WWOX: variants seen among roughly 807,000 people sequenced by gnomAD.
WWOX encodes WW domain containing oxidoreductase.
A neutral mutation model predicts 46.2 loss-of-function variants in WWOX; 69 were observed. That is an observed-to-expected ratio of 1.49 (90% CI 1.23 to 1.82). The LOEUF (loss-of-function observed/expected upper bound fraction) is 1.82, where lower values mean the gene tolerates loss of function less well. WWOX is among the 40% of genes most tolerant of loss of function. The pLI, the probability that WWOX is intolerant of heterozygous loss-of-function variation, is 0.00. For synonymous variants in WWOX, 359 were observed against 202.6 expected, an observed-to-expected ratio of 1.77 and a Z score of -6.56; for missense variants, 919 against 542.6, an observed-to-expected ratio of 1.69 and a Z score of -6.89.
intron 8 of WWOX, among the ~76,000 whole-genome samples, chr16:78,458,492 C>T (rs1374786267): frequency 6.6e-6 from 1 of 152,030 alleles, no homozygotes; most frequent in Non-Finnish European, 1.5e-5. Flanking sequence ...AACTCCTGTG[C>T]TCAAGCCATC....
At chr16:79,145,011 G>A (rs1412191527) in intron 8 of WWOX, among the ~76,000 whole-genome samples, 1 of 152,146 alleles carries the variant, frequency 6.6e-6, no homozygotes. Flanking sequence ...TATATCCCCT[G>A]TGCAGAAGCG....
At chr16:78,638,503 C>T (rs1471382095) in intron 8 of WWOX, among the ~76,000 whole-genome samples, 1 of 152,112 alleles carries the variant, frequency 6.6e-6, no homozygotes, top group Non-Finnish European at 1.5e-5. Flanking sequence ...CTGATAAGAT[C>T]TGTCTGCACT....
At chr16:78,326,290 T>C (rs1406407230) in intron 5 of WWOX, among the ~76,000 whole-genome samples, 1 of 152,194 alleles carries the variant, frequency 6.6e-6, no homozygotes, top group Non-Finnish European at 1.5e-5. Flanking sequence ...AGTGTGCATA[T>C]GCTCAGTTGC....
chr16:78,670,092 C>T (rs779336925), intron 8 of WWOX, among the ~76,000 whole-genome samples: 11 of 152,068 alleles, frequency 7.2e-5, no homozygotes, highest in Admixed American at 2.0e-4. Flanking sequence ...CGGCCGCCCC[C>T]GGAAGCTCCA....
intron 8 of WWOX, among the ~76,000 whole-genome samples, chr16:78,754,062 A>C (rs1320198136): frequency 1.3e-5 from 2 of 151,722 alleles, no homozygotes; most frequent in Non-Finnish European, 2.9e-5. Context: ...AATTTTCTTT[A>C]GGCTTATCCC....
At chr16:78,119,673 A>G (rs1386537775) in intron 4 of WWOX, among the ~76,000 whole-genome samples, 1 of 150,684 alleles carries the variant, frequency 6.6e-6, no homozygotes, top group East Asian at 2.0e-4. Flanking sequence ...TGTGTTGCTC[A>G]GGTGTTGGTC....
intron 5 of WWOX, among the ~76,000 whole-genome samples, chr16:78,319,380 C>T (rs1363568587): frequency 1.3e-5 from 2 of 152,138 alleles, no homozygotes; most frequent in African/African-American, 4.8e-5. Flanking sequence ...CCCACCTCAA[C>T]CTCCTAAGTA....
At chr16:78,117,862 C>T (rs1039127259) in intron 4 of WWOX, among the ~76,000 whole-genome samples, 1 of 151,928 alleles carries the variant, frequency 6.6e-6, no homozygotes, top group Non-Finnish European at 1.5e-5. Flanking sequence ...TTGGATAAAC[C>T]GTGAAATCTT....
At chr16:78,623,084 T>C (rs1040143205) in intron 8 of WWOX, among the ~76,000 whole-genome samples, 1 of 151,834 alleles carries the variant, frequency 6.6e-6, no homozygotes, top group Admixed American at 6.6e-5. Flanking sequence ...CCATCCCCAG[T>C]CAAGCCTCTG....
chr16:78,102,528 C>T (rs544001451), intron 1 of WWOX, among the ~76,000 whole-genome samples: 7 of 152,306 alleles, frequency 4.6e-5, no homozygotes, highest in South Asian at 2.1e-4. Context: ...TTTGCAGGGA[C>T]GGAGGCAAGC....
At position 78,593,500 on chromosome 16, in the gene WWOX, A is replaced by C. The variant is rs75011700; in HGVS notation, c.1056+160748A>C. On this transcript the variant is annotated intron_variant, in intron 8 of 8. Coordinates refer to ENST00000566780, the MANE Select transcript of WWOX (RefSeq NM_016373.4). ...ATTCCTACCAGCCAGAGGTGGGCACATGACCCAGGTCAGACCAGTCACAGT... is the reference window on the plus strand; with the variant it reads ...ATTCCTACCAGCCAGAGGTGGGCACCTGACCCAGGTCAGACCAGTCACAGT... Among the ~76,000 whole-genome samples, 326 of 152,320 alleles carry C rather than the reference A, an allele frequency of 2.1e-3. 1 individual carries two copies. Among genetic ancestry groups the C allele is most frequent in the African/African-American group, 7.5e-3 (313 of 41,568 alleles).
At chr16:78,894,862 C>G (rs116185481) in intron 8 of WWOX, among the ~76,000 whole-genome samples, 3 of 152,188 alleles carry the variant, frequency 2.0e-5, no homozygotes, top group Non-Finnish European at 2.9e-5. Context: ...CAGTGACTAA[C>G]TGAGCACTGT....
chr16:78,855,045 A>G (rs909849899), intron 8 of WWOX, among the ~76,000 whole-genome samples: 3 of 152,122 alleles, frequency 2.0e-5, no homozygotes, highest in African/African-American at 7.2e-5. Flanking sequence ...AGTCAGGACT[A>G]TGATTGACAG....
At chr16:78,258,386 T>C (rs2038185935) in intron 5 of WWOX, among the ~76,000 whole-genome samples, 1 of 152,202 alleles carries the variant, frequency 6.6e-6, no homozygotes, top group Non-Finnish European at 1.5e-5. Flanking sequence ...TGTTCTTTTT[T>C]GGTATTAACA....
At chr16:78,836,961 G>A (rs1168169865) in intron 8 of WWOX, among the ~76,000 whole-genome samples, 1 of 152,116 alleles carries the variant, frequency 6.6e-6, no homozygotes, top group Non-Finnish European at 1.5e-5. Context: ...AAGTGCAGCA[G>A]AAGAGAGAAA....
At chr16:78,333,643 C>T (rs903396827) in intron 5 of WWOX, among the ~76,000 whole-genome samples, 3 of 152,086 alleles carry the variant, frequency 2.0e-5, no homozygotes, top group Non-Finnish European at 4.4e-5. Flanking sequence ...AGGAGTACTT[C>T]ATTAAGTCTC....
At chr16:78,897,909 T>A (rs2151237396) in intron 8 of WWOX, 1 of 152,312 alleles carries the variant, frequency 6.6e-6, no homozygotes, top group South Asian at 2.1e-4. Context: ...TTTTGCATTT[T>A]CCTAGTGACT....
At chr16:78,399,386 T>G (rs1213306308) in intron 6 of WWOX, among the ~76,000 whole-genome samples, 1 of 152,298 alleles carries the variant, frequency 6.6e-6, no homozygotes, top group East Asian at 1.9e-4. Flanking sequence ...AATAGTTATT[T>G]TAGGCACATA....
intron 5 of WWOX, among the ~76,000 whole-genome samples, chr16:78,189,887 T>C (rs2035828951): frequency 6.6e-6 from 1 of 152,128 alleles, no homozygotes; most frequent in Admixed American, 6.5e-5. Flanking sequence ...ACTCCTGACC[T>C]CAAGTGATCC....
Sources: allele counts gnomAD v4.1 joint callset (sites outside exome capture counted in the v4.1 genomes callset), GRCh38; gene constraint gnomAD v4.1.1; transcripts MANE v1.5; gene names NCBI Gene and HGNC (gene_info 2026-07-23, HGNC 2026-07-21).